The following PPFIBP1 variants were observed in gnomAD, a reference collection of about 807,000 sequenced individuals.
The protein encoded by PPFIBP1 is PPFIB scaffold protein 1.
Under a neutral mutation model 137.8 loss-of-function variants are expected in PPFIBP1, and 112 were observed. The ratio of observed to expected loss-of-function variants is 0.81; its 90% CI spans 0.70 to 0.95. The LOEUF is 0.95. Ranked by LOEUF, PPFIBP1 falls within the 40% of genes least tolerant of loss-of-function variation. PPFIBP1 has a pLI of 0.00. For synonymous variants in PPFIBP1, 378 were observed against 417.3 expected (o/e 0.91, Z 1.15); for missense variants, 1,083 against 1,196.6 (o/e 0.91, Z 1.40).
intron 24 of PPFIBP1, among the ~76,000 whole-genome samples, chr12:27,685,137 A>G (rs2061119555): frequency 6.6e-6 from 1 of 152,058 alleles, no homozygotes; most frequent in Non-Finnish European, 1.5e-5. Flanking sequence ...ATTTGTTCAC[A>G]TATATACTAT....
intron 17 of PPFIBP1, 100 bp downstream of exon 17, chr12:27,674,321 G>A (rs2060370652): frequency 1.3e-6 from 1 of 795,762 alleles, no homozygotes. Context: ...AGAACCTCTA[G>A]AACATTATGC....
intron 1 of PPFIBP1, among the ~76,000 whole-genome samples, chr12:27,527,661 CTTTA>C (rs1171122469): frequency 6.6e-6 from 1 of 151,940 alleles, no homozygotes; most frequent in East Asian, 1.9e-4. Context: ...TGTCTTGATT[CTTTA>C]TTAAAGAAAC....
chr12:27,621,769 T>G (rs2056364378), intron 2 of PPFIBP1, among the ~76,000 whole-genome samples: 1 of 152,240 alleles, frequency 6.6e-6, no homozygotes, highest in African/African-American at 2.4e-5. Flanking sequence ...CAAAACTGTT[T>G]CCTTGCCCAC....
intron 2 of PPFIBP1, among the ~76,000 whole-genome samples, chr12:27,630,580 G>A (rs956250737): frequency 1.1e-4 from 16 of 152,034 alleles, no homozygotes; most frequent in Admixed American, 4.6e-4. Flanking sequence ...TCTTATCAGC[G>A]TTTACTGCAT....
intron 2 of PPFIBP1, among the ~76,000 whole-genome samples, chr12:27,609,849 AG>A: frequency 6.6e-6 from 1 of 152,324 alleles, no homozygotes; most frequent in Non-Finnish European, 1.5e-5. Context: ...TGAATATCCC[AG>A]GGGTATCCAT....
At chr12:27,562,285 A>C (rs375214599) in intron 1 of PPFIBP1, among the ~76,000 whole-genome samples, 385 of 151,598 alleles carry the variant, frequency 2.5e-3, no homozygotes, top group South Asian at 0.011. Context: ...AAAAGAAAGA[A>C]GTGAAAATGT....
chr12:27,690,875 A>T (rs540318154), intron 27 of PPFIBP1, among the ~76,000 whole-genome samples: 1 of 152,214 alleles, frequency 6.6e-6, no homozygotes, highest in East Asian at 1.9e-4. Context: ...GGATTTATGG[A>T]TCATACCAAA....
In PPFIBP1 at chr12:27,681,597, G is replaced by A. The variant is rs2060878017; in HGVS notation, c.1947G>A (p.Trp649Ter). Reference protein sequence around the residue: ...AKWTKEQVCNWLMEQGLGSYL... With the variant: ...AKWTKEQVCN ...GGACCAAGGAGCAGGTTTGCAATTG[G>A]CTGATGGAACAGGGCTTGGGCTCGT... The change falls in exon 22 of 30, where the codon TGG (tryptophan) becomes TGA (stop). Residue 649 changes from tryptophan to a stop codon, truncating the protein, a stop_gained. Transcript: ENST00000228425. LOFTEE classifies it high-confidence loss of function. 1 of 1,614,030 alleles carries A rather than the reference G, an allele frequency of 6.2e-7. No individual in the cohort carries two copies. The highest frequency in any genetic ancestry group is 8.5e-7 in the Non-Finnish European group (1 of 1,180,014).
In PPFIBP1 at chr12:27,647,472, G is replaced by T. The variant is rs533326631; in HGVS notation, c.358-257G>T. Among the ~76,000 whole-genome samples, 3 of 152,254 alleles carry T rather than the reference G, an allele frequency of 2.0e-5. No individual in the cohort carries two copies. In the East Asian group the frequency reaches 5.8e-4, roughly 29 times the overall value. ...CTGTCTTTCATAAATGGTTGAAGTA[G>T]CTTTAACCAAAAAGTATTGTACATT... On this transcript the variant is annotated intron_variant, in intron 5 of 29. Transcript: ENST00000228425.
Position 27,676,421 on chromosome 12 carries a change from C to T in PPFIBP1, c.1411-7C>T. ...GAGCTGTTTCACTATTCTTATTTGC[C>T]TCTCAGGACAGAGCTCCGGCAGAAA... On this transcript the variant is annotated splice_region_variant and splice_polypyrimidine_tract_variant and intron_variant, in intron 17 of 29. Coordinates refer to ENST00000228425, the MANE Select transcript of PPFIBP1 (RefSeq NM_003622.4). The T allele has an allele frequency of 6.8e-7, 1 of 1,474,712 alleles. No homozygotes were observed. Among genetic ancestry groups the T allele is most frequent in the South Asian group, 1.5e-5 (1 of 67,596 alleles). 91.4% of individuals were successfully genotyped at this position (1,474,712 alleles called of 1,614,324 possible).
At chr12:27,617,540 C>A (rs1485905872) in intron 2 of PPFIBP1, among the ~76,000 whole-genome samples, 1 of 152,128 alleles carries the variant, frequency 6.6e-6, no homozygotes, top group Non-Finnish European at 1.5e-5. Flanking sequence ...TCCTGAGGAT[C>A]CCAAAAATCC....
In PPFIBP1 at chr12:27,680,066, G is replaced by T; in HGVS notation, c.1895+5G>T. The T allele has an allele frequency of 6.2e-7, 1 of 1,613,776 alleles. No homozygotes were observed. Among genetic ancestry groups the T allele is most frequent in the Non-Finnish European group, 8.5e-7 (1 of 1,179,806 alleles). Reference sequence around the variant, plus strand: ...AGACTTGGGACAGTCTAACAGGTAAGAAGAGCCAACTGATAGACTTTTGCA... The same window carrying T: ...AGACTTGGGACAGTCTAACAGGTAATAAGAGCCAACTGATAGACTTTTGCA... On this transcript the variant is annotated splice_donor_5th_base_variant and intron_variant, in intron 21 of 29. Coordinates refer to ENST00000228425, the MANE Select transcript of PPFIBP1 (RefSeq NM_003622.4).
intron 20 of PPFIBP1, 37 bp from the exon 21 acceptor site, chr12:27,679,896 C>G (rs1199590704): frequency 6.2e-7 from 1 of 1,609,692 alleles, no homozygotes; most frequent in Non-Finnish European, 8.5e-7. Context: ...AAGGCCTCCT[C>G]AGGTCTAATA....
intron 2 of PPFIBP1, among the ~76,000 whole-genome samples, chr12:27,584,934 G>C (rs528611421): frequency 2.0e-5 from 3 of 152,320 alleles, no homozygotes; most frequent in African/African-American, 7.2e-5. Flanking sequence ...AGTGATGCCT[G>C]ATGGCCCACT....
intron 2 of PPFIBP1, among the ~76,000 whole-genome samples, chr12:27,628,179 T>TA (rs2056986424): frequency 6.6e-6 from 1 of 152,130 alleles, no homozygotes; most frequent in African/African-American, 2.4e-5. Context: ...TTTTTGTTCT[T>TA]TAGGATTTTT....
intron 9 of PPFIBP1, among the ~76,000 whole-genome samples, chr12:27,657,893 AGGC>A (rs1448890515): frequency 1.3e-5 from 2 of 152,126 alleles, no homozygotes; most frequent in African/African-American, 4.8e-5. Context: ...GGATCGCTTG[AGGC>A]CAGGAGTTCA....
intron 2 of PPFIBP1, among the ~76,000 whole-genome samples, chr12:27,608,379 A>G (rs2054747499): frequency 6.6e-6 from 1 of 152,250 alleles, no homozygotes. Context: ...CATTAAATGC[A>G]GGACTGTGAC....
At chr12:27,672,766 A>G (rs2060279141) in intron 15 of PPFIBP1, among the ~76,000 whole-genome samples, 1 of 152,158 alleles carries the variant, frequency 6.6e-6, no homozygotes, top group African/African-American at 2.4e-5. Flanking sequence ...TTTGAAGTTC[A>G]ATGCTTTTAA....
At chr12:27,552,115 G>C (rs10771341) in intron 1 of PPFIBP1, among the ~76,000 whole-genome samples, 48,027 of 152,090 alleles carry the variant, frequency 0.32, 8,054 homozygotes, top group Middle Eastern at 0.46. Flanking sequence ...CACAGCGTTT[G>C]TTCTGACTAA....
Sources: gnomAD v4.1 joint callset for allele counts (sites outside exome capture counted in the v4.1 genomes callset) on GRCh38, gnomAD v4.1.1 for gene constraint, MANE v1.5 for transcripts, NCBI Gene and HGNC (gene_info 2026-07-23, HGNC 2026-07-21) for gene names.